The following PRR16 variants were observed in gnomAD, a reference collection of about 807,000 sequenced individuals.
PRR16 encodes protein Largen.
Under a neutral mutation model 18.2 loss-of-function variants are expected in PRR16, and 6 were observed. The observed-to-expected ratio is 0.33, with a 90% CI of 0.18 to 0.65. PRR16 has a LOEUF of 0.65. Among genes scored for constraint, PRR16 ranks in the 30% least tolerant of loss-of-function variants. The probability of loss-of-function intolerance (pLI) is 0.74; values close to 1 mark genes in which losing one functional copy is unlikely to be tolerated. For synonymous variants in PRR16, 151 were observed against 147.8 expected (o/e 1.02, Z -0.16); for missense variants, 412 against 376.6 (o/e 1.09, Z -0.78).
intron 1 of PRR16, among the ~76,000 whole-genome samples, chr5:120,584,384 T>C (rs1435793285): frequency 6.6e-6 from 1 of 152,228 alleles, no homozygotes; most frequent in Non-Finnish European, 1.5e-5. Context: ...TAGCACGTAG[T>C]TGTATAATTC....
rs775402639 is a variant in PRR16, at chr5:120,686,113, C to T, written c.319C>T (p.Pro107Ser). Residue 107 changes from proline to serine, a missense_variant, in exon 2 of 2, where the codon CCA becomes TCA. Coordinates refer to ENST00000407149, the MANE Select transcript of PRR16 (RefSeq NM_001300783.2). ...GGCTAATGCACCGCTTATTAAACCCCCAGCACACCCGTCTGCTATCCTCAC... is the reference window on the plus strand; with the variant it reads ...GGCTAATGCACCGCTTATTAAACCCTCAGCACACCCGTCTGCTATCCTCAC... ...VQANAPLIKPPAHPSAILTVL... is the reference protein window; with the variant it reads ...VQANAPLIKPSAHPSAILTVL... 3 of 1,614,076 alleles carry T rather than the reference C, an allele frequency of 1.9e-6. No homozygotes were observed. The highest frequency in any genetic ancestry group is 1.3e-5 in the African/African-American group (1 of 74,998).
chr5:120,735,570 G>A, the PRR16 span, among the ~76,000 whole-genome samples: 2 of 152,218 alleles, frequency 1.3e-5, no homozygotes, highest in East Asian at 3.9e-4. Flanking sequence ...AATGATTAGT[G>A]ATCATGAGCA....
rs76739709 is a variant in PRR16, at chr5:120,620,280, A to G, written c.160-65674A>G. Reference sequence around the variant, plus strand: ...ATATTATAACAGCAAAGAATTATGGAGCATTGTAACACCAAAGCCAGAAGT... The same window carrying G: ...ATATTATAACAGCAAAGAATTATGGGGCATTGTAACACCAAAGCCAGAAGT... On this transcript the variant is annotated intron_variant, in intron 1 of 1. Transcript: ENST00000407149. Among the ~76,000 whole-genome samples the G allele has an allele frequency of 4.2e-3, 641 of 152,258 alleles. 3 individuals are homozygous for G. Among genetic ancestry groups the G allele is most frequent in the African/African-American group, 0.015 (615 of 41,560 alleles).
At chr5:120,753,391 G>A in the PRR16 span, among the ~76,000 whole-genome samples, 2 of 151,928 alleles carry the variant, frequency 1.3e-5, no homozygotes, top group African/African-American at 4.8e-5. Context: ...GAACAGGTAC[G>A]TAACTGAGCC....
intron 1 of PRR16, among the ~76,000 whole-genome samples, chr5:120,530,995 A>G (rs948148631): frequency 1.3e-5 from 2 of 152,216 alleles, no homozygotes; most frequent in Non-Finnish European, 2.9e-5. Flanking sequence ...ATAGATATAC[A>G]GTTGGTAAAA....
the PRR16 span, among the ~76,000 whole-genome samples, chr5:120,727,444 T>A: frequency 6.6e-6 from 1 of 152,082 alleles, no homozygotes; most frequent in Non-Finnish European, 1.5e-5. Context: ...GTGAACCCAA[T>A]GTGTCTAAGA....
chr5:120,635,233 A>G (rs556268752), intron 1 of PRR16, among the ~76,000 whole-genome samples: 45 of 152,276 alleles, frequency 3.0e-4, no homozygotes, highest in South Asian at 8.3e-4. Flanking sequence ...TCCAAAAGAT[A>G]GAGAATGAGA....
intron 1 of PRR16, among the ~76,000 whole-genome samples, chr5:120,578,150 TC>T (rs1319895984): frequency 1.3e-5 from 2 of 152,210 alleles, no homozygotes; most frequent in Non-Finnish European, 2.9e-5. Context: ...AAGCAGTTTT[TC>T]CCCAGTTAAT....
At chr5:120,615,524 T>G (rs1317263266) in intron 1 of PRR16, among the ~76,000 whole-genome samples, 1 of 151,806 alleles carries the variant, frequency 6.6e-6, no homozygotes, top group African/African-American at 2.4e-5. Context: ...GCATTATAAT[T>G]TTATGAATGT....
rs1753952633 is a variant in PRR16, at chr5:120,600,646, G to A, written c.160-85308G>A. 2.0e-5 allele frequency among the ~76,000 whole-genome samples: 3 copies of A among 151,852 alleles called. No homozygotes were observed. The South Asian group carries it at 6.2e-4, about 32-fold the overall frequency. ...TAAGGGAAAATTATGTGTTTCTGGG[G>A]TTTGATGTACAAATTATTTCATCAC... On this transcript the variant is annotated intron_variant, in intron 1 of 1. Transcript: ENST00000407149.
chr5:120,488,076 C>T (rs147800247), intron 1 of PRR16, among the ~76,000 whole-genome samples: 2,392 of 152,196 alleles, frequency 0.016, 25 homozygotes, highest in Non-Finnish European at 0.026. Flanking sequence ...ATTTTTGCAT[C>T]GATGTTTATC....
chr5:120,652,856 A>G (rs1294119047), intron 1 of PRR16, among the ~76,000 whole-genome samples: 1 of 151,994 alleles, frequency 6.6e-6, no homozygotes, highest in Non-Finnish European at 1.5e-5. Context: ...AAAAAGTACC[A>G]TACTAATGTA....
At chr5:120,506,232 A>T (rs1750642102) in intron 1 of PRR16, among the ~76,000 whole-genome samples, 1 of 152,064 alleles carries the variant, frequency 6.6e-6, no homozygotes, top group African/African-American at 2.4e-5. Context: ...TTTCATAAAA[A>T]GTAGGTTTTA....
chr5:120,595,476 G>A, intron 1 of PRR16, among the ~76,000 whole-genome samples: 1 of 151,700 alleles, frequency 6.6e-6, no homozygotes, highest in Non-Finnish European at 1.5e-5. Flanking sequence ...GTGGAGAAAA[G>A]GAAATGCTTG....
rs532434574 is a variant in PRR16 at position 120,470,900 on chromosome 5, C to T, written c.159+6255C>T. 2.2e-3 allele frequency among the ~76,000 whole-genome samples: 336 copies of T among 152,154 alleles called. 1 individual carries two copies. Among genetic ancestry groups the T allele is most frequent in the African/African-American group, 7.5e-3 (312 of 41,528 alleles). ...CAGCATTAACCGCCAAGCTCTTTCA[C>T]GTTTCCTATTTTTTTTTTAACATTT... On this transcript the variant is annotated intron_variant, in intron 1 of 1. Coordinates refer to ENST00000407149, the MANE Select transcript of PRR16 (RefSeq NM_001300783.2).
the PRR16 span, among the ~76,000 whole-genome samples, chr5:120,706,873 A>C: frequency 6.6e-5 from 10 of 152,212 alleles, no homozygotes; most frequent in African/African-American, 2.4e-4. Flanking sequence ...AGGTTGGTCA[A>C]TGTGATTAGG....
At chr5:120,485,162 AATATT>A (rs1380365142) in intron 1 of PRR16, among the ~76,000 whole-genome samples, 1 of 152,122 alleles carries the variant, frequency 6.6e-6, no homozygotes, top group Non-Finnish European at 1.5e-5. Context: ...ATTATAATGA[AATATT>A]AATTAACTTG....
chr5:120,566,402 C>T (rs1752739192), intron 1 of PRR16, among the ~76,000 whole-genome samples: 2 of 152,188 alleles, frequency 1.3e-5, no homozygotes, highest in African/African-American at 2.4e-5. Context: ...ACTCTTCCTG[C>T]CCATTCTAGT....
chr5:120,637,317 G>GAAAAAAAAAAAAAAAAAAAAAAA (rs372136712), intron 1 of PRR16, among the ~76,000 whole-genome samples: 1 of 62,636 alleles, frequency 1.6e-5, no homozygotes. Context: ...CCATTATACG[G>GAAAAAAAAAAAAAAAAAAAAAAA]AAAAAAAAAA....
Sources: gnomAD v4.1 joint callset for allele counts (sites outside exome capture counted in the v4.1 genomes callset) on GRCh38, gnomAD v4.1.1 for gene constraint, MANE v1.5 for transcripts, NCBI Gene and HGNC (gene_info 2026-07-23, HGNC 2026-07-21) for gene names.